The following ACSS1 variants were observed in gnomAD, a reference collection of about 807,000 sequenced individuals.
The protein encoded by ACSS1 is acyl-CoA synthetase short chain family member 1, also known as acetyl-coenzyme A synthetase 2-like, mitochondrial.
ACSS1 carries 42 observed loss-of-function variants against 75.3 expected under a neutral mutation model. The observed-to-expected ratio is 0.56, with a 90% CI of 0.44 to 0.72. The LOEUF is 0.72. ACSS1 is among the 30% of genes least tolerant of loss of function. The pLI is 0.00. For synonymous variants in ACSS1, 380 were observed against 376.8 expected (o/e 1.01, Z -0.10); for missense variants, 782 against 935.7 (o/e 0.84, Z 2.14).
At chr20:25,053,667 C>T (rs1351865591) in intron 1 of ACSS1, among the ~76,000 whole-genome samples, 1 of 152,074 alleles carries the variant, frequency 6.6e-6, no homozygotes, top group East Asian at 1.9e-4. Flanking sequence ...GCCTTCTGAA[C>T]GATTAGAGGC....
intron 1 of ACSS1, 93 bp downstream of exon 1, chr20:25,057,676 G>C (rs1412256612): frequency 7.6e-7 from 1 of 1,319,058 alleles, no homozygotes; most frequent in Non-Finnish European, 1.0e-6. Flanking sequence ...TGCGATCCGC[G>C]CTGCCCGGGG....
chr20:25,026,725 T>C (rs538258166), intron 3 of ACSS1, among the ~76,000 whole-genome samples: 1 of 152,322 alleles, frequency 6.6e-6, no homozygotes, highest in African/African-American at 2.4e-5. Flanking sequence ...CAGCCCCTCA[T>C]TGACCCAACA....
chr20:25,023,118 C>T (rs1040730962), intron 4 of ACSS1, 26 bp from the exon 5 acceptor site: 12 of 1,600,848 alleles, frequency 7.5e-6, no homozygotes, highest in Middle Eastern at 3.4e-4. Context: ...AACAAACAGC[C>T]CACCGAGGGC....
chr20:25,046,068 G>A (rs995070207), intron 2 of ACSS1: 1 of 152,142 alleles, frequency 6.6e-6, no homozygotes, highest in African/African-American at 2.4e-5. Context: ...TGGGACTACA[G>A]GCGCACATCA....
chr20:25,014,377 GAGAAAAA>G (rs1361245555), intron 8 of ACSS1, among the ~76,000 whole-genome samples: 55 of 152,216 alleles, frequency 3.6e-4, no homozygotes, highest in South Asian at 6.2e-4. Context: ...CATGAAGACG[GAGAAAAA>G]GAACTGCTTC....
At chr20:25,028,557 T>C (rs1600326546) in intron 3 of ACSS1, among the ~76,000 whole-genome samples, 2 of 152,226 alleles carry the variant, frequency 1.3e-5, no homozygotes, top group Admixed American at 1.3e-4. Flanking sequence ...GACCACTGGA[T>C]AGCCATAGGA....
Position 25,045,386 on chromosome 20 carries a change from G to A in ACSS1, c.431+2699C>T, listed in dbSNP as rs114450129. Among the ~76,000 whole-genome samples, 441 of 152,314 alleles carry A rather than the reference G, an allele frequency of 2.9e-3. 1 individual carries two copies. The highest frequency in any genetic ancestry group is 0.01 in the African/African-American group (419 of 41,568). The stretch of plus-strand genomic sequence containing the variant: ...GGCCATGGGCACCCGTCCCAGGGCT[G>A]CATCTGCCTGTGCTGACCCAGCGTC... On this transcript the variant is annotated intron_variant, in intron 2 of 13. Coordinates refer to ENST00000323482, the MANE Select transcript of ACSS1 (RefSeq NM_032501.4).
In ACSS1 at chr20:25,006,929, G is replaced by A. The variant is rs774177849; in HGVS notation, c.*833C>T. ...AGAACCCAACTATTTGGAGTATGTT[G>A]CCTCTCCTATCAAGAGGCATCTGGG... is the stretch of plus-strand genomic sequence containing the variant. On this transcript the variant is annotated 3_prime_UTR_variant, in exon 14 of 14. Coordinates refer to ENST00000323482, the MANE Select transcript of ACSS1 (RefSeq NM_032501.4). The A allele has an allele frequency of 3.3e-6, 5 of 1,535,420 alleles. No homozygotes were observed. Among genetic ancestry groups the A allele is most frequent in the Non-Finnish European group, 3.5e-6 (4 of 1,146,704 alleles).
At position 25,006,454 on chromosome 20, in the gene ACSS1, C is replaced by T. The variant is rs45546835; in HGVS notation, c.*1308G>A. The T allele has an allele frequency of 7.5e-5, 15 of 199,720 alleles. No homozygotes were observed. Among genetic ancestry groups the T allele is most frequent in the African/African-American group, 1.2e-4 (5 of 43,440 alleles). 12.4% of individuals were successfully genotyped at this position (199,720 alleles called of 1,614,324 possible). On this transcript the variant is annotated 3_prime_UTR_variant, in exon 14 of 14. Transcript: ENST00000323482. ...TATTTGTGTACCCTGCAGCCAACAC[C>T]ACCTCCTGGGCTTCACAGGTTCACT... is the stretch of plus-strand genomic sequence containing the variant.
At chr20:25,010,994 C>T (rs1409261958) in intron 12 of ACSS1, 1 of 152,200 alleles carries the variant, frequency 6.6e-6, no homozygotes, top group East Asian at 1.9e-4. Context: ...AGCTGTTCAT[C>T]AGCTCTTCAT....
At chr20:25,023,958 G>A (rs1044778578) in intron 3 of ACSS1, among the ~76,000 whole-genome samples, 2 of 152,174 alleles carry the variant, frequency 1.3e-5, no homozygotes, top group African/African-American at 4.8e-5. Context: ...TCTCCTGTCT[G>A]CCCAGGAGCA....
At chr20:25,048,486 TCCTGGGC>T (rs2089131413) in intron 1 of ACSS1, among the ~76,000 whole-genome samples, 1 of 152,146 alleles carries the variant, frequency 6.6e-6, no homozygotes, top group African/African-American at 2.4e-5. Flanking sequence ...ATCCAATGGG[TCCTGGGC>T]CTTCAAAGCC....
intron 3 of ACSS1, among the ~76,000 whole-genome samples, chr20:25,026,074 G>A (rs1277475770): frequency 6.6e-6 from 1 of 152,114 alleles, no homozygotes; most frequent in South Asian, 2.1e-4. Context: ...CACTCCTCAA[G>A]CAGCCTAAAG....
At chr20:25,016,977 GCTTTTTTTTTTTTT>G (rs1339774436) in intron 7 of ACSS1, among the ~76,000 whole-genome samples, 1 of 151,538 alleles carries the variant, frequency 6.6e-6, no homozygotes, top group Non-Finnish European at 1.5e-5. Context: ...GAAAACTTCA[GCTTTTTTTTTTTTT>G]CTTTTTTTTT....
Position 25,023,584 on chromosome 20 carries a change from T to C in ACSS1, c.689A>G (p.Glu230Gly). 6.2e-7 allele frequency: 1 copy of C among 1,613,906 alleles called. No individual in the cohort carries two copies. Among genetic ancestry groups the C allele is most frequent in the East Asian group, 2.2e-5 (1 of 44,872 alleles). ...NQGLRGGRVV[E>G]LKKIVDEAVK... ...AGCCTCATCCACTATTTTCTTCAGC[T>C]CCACCACGCGCCCACCCCGGAGTCC... is the stretch of plus-strand genomic sequence containing the variant. Residue 230 changes from glutamate (E) to glycine (G), a missense_variant, in exon 4 of 14, where the codon GAG becomes GGG. Around this residue, in one of 2 missense-constraint regions of ACSS1, gnomAD observed 377 missense variants for 383.1 expected, o/e 0.98. Transcript: ENST00000323482.
At chr20:25,029,568 A>G (rs1408373895) in intron 3 of ACSS1, among the ~76,000 whole-genome samples, 1 of 152,228 alleles carries the variant, frequency 6.6e-6, no homozygotes, top group Admixed American at 6.5e-5. Context: ...AACATTCATA[A>G]CAGCTCTATT....
chr20:25,044,723 TG>T (rs2089058332), intron 2 of ACSS1, among the ~76,000 whole-genome samples: 1 of 152,232 alleles, frequency 6.6e-6, no homozygotes, highest in Non-Finnish European at 1.5e-5. Context: ...CCCACAGCCT[TG>T]GGGCCACTAG....
At chr20:25,008,208 G>T (rs571265615) in intron 13 of ACSS1, among the ~76,000 whole-genome samples, 1 of 152,228 alleles carries the variant, frequency 6.6e-6, no homozygotes, top group Non-Finnish European at 1.5e-5. Flanking sequence ...ACTGCCGTCC[G>T]TCTGTCCTGC....
chr20:25,020,423 C>T (rs1447666563), intron 6 of ACSS1, among the ~76,000 whole-genome samples: 1 of 152,220 alleles, frequency 6.6e-6, no homozygotes, highest in Non-Finnish European at 1.5e-5. Context: ...TGGCCTAGTT[C>T]AAGGTGATAC....
Sources: allele counts gnomAD v4.1 joint callset (sites outside exome capture counted in the v4.1 genomes callset), GRCh38; gene constraint gnomAD v4.1.1; regional missense constraint gnomAD v4.1.1; transcripts MANE v1.5; gene names NCBI Gene and HGNC (gene_info 2026-07-23, HGNC 2026-07-21).